PTPRD: variants seen among roughly 807,000 people sequenced by gnomAD.
PTPRD encodes the protein protein tyrosine phosphatase receptor type D.
A neutral mutation model predicts 214.5 loss-of-function variants in PTPRD; 34 were observed. That is an observed-to-expected ratio of 0.16 (90% CI 0.12 to 0.21). The LOEUF (loss-of-function observed/expected upper bound fraction) is 0.21, where lower values mean the gene tolerates loss of function less well. Ranked by LOEUF, PTPRD falls within the 10% of genes least tolerant of loss-of-function variation. PTPRD has a pLI of 1.00. For missense variants in PTPRD, 2,545 were observed against 2,398.7 expected, an observed-to-expected ratio of 1.06 and a Z score of -1.27; for synonymous variants, 1,128 against 845.7, an observed-to-expected ratio of 1.33 and a Z score of -5.79.
intron 11 of PTPRD, among the ~76,000 whole-genome samples, chr9:8,874,033 T>C (rs558320134): frequency 6.6e-6 from 1 of 152,304 alleles, no homozygotes; most frequent in African/African-American, 2.4e-5. Flanking sequence ...TCTAAAAGAT[T>C]AATACATAAC....
chr9:9,165,526 T>G (rs1321867043), intron 10 of PTPRD, among the ~76,000 whole-genome samples: 1 of 152,162 alleles, frequency 6.6e-6, no homozygotes. Context: ...AGATAGAAAC[T>G]ATATTATAGT....
chr9:10,399,651 G>T (rs932101976), intron 2 of PTPRD, among the ~76,000 whole-genome samples: 1 of 151,864 alleles, frequency 6.6e-6, no homozygotes, highest in Admixed American at 6.6e-5. Flanking sequence ...CCTATGTGGA[G>T]GCTTGTTCAG....
At chr9:9,782,927 A>G (rs2098867348) in intron 5 of PTPRD, among the ~76,000 whole-genome samples, 1 of 152,138 alleles carries the variant, frequency 6.6e-6, no homozygotes, top group South Asian at 2.1e-4. Context: ...ATGTTGACTG[A>G]CTTATTTTGT....
intron 10 of PTPRD, among the ~76,000 whole-genome samples, chr9:9,098,858 A>C (rs1029011633): frequency 6.6e-6 from 1 of 152,242 alleles, no homozygotes; most frequent in Admixed American, 6.5e-5. Context: ...AATTACATGA[A>C]CATATTCACA....
intron 5 of PTPRD, among the ~76,000 whole-genome samples, chr9:9,792,098 G>C (rs757031210): frequency 3.1e-4 from 45 of 145,974 alleles, no homozygotes; most frequent in Non-Finnish European, 3.4e-4. Flanking sequence ...TGATTTGGAG[G>C]CCAGTGAGAT....
At chr9:8,577,867 A>C (rs1010336041) in intron 14 of PTPRD, among the ~76,000 whole-genome samples, 1 of 152,174 alleles carries the variant, frequency 6.6e-6, no homozygotes, top group East Asian at 1.9e-4. Context: ...TTGTAGTTCA[A>C]CAAGCCTTTC....
intron 11 of PTPRD, among the ~76,000 whole-genome samples, chr9:8,988,464 G>A (rs1258694369): frequency 6.6e-6 from 1 of 151,958 alleles, no homozygotes; most frequent in East Asian, 1.9e-4. Context: ...TGGTATCTTT[G>A]ATTAGTGTTC....
chr9:10,110,655 T>C (rs901742536), intron 3 of PTPRD, among the ~76,000 whole-genome samples: 3 of 152,194 alleles, frequency 2.0e-5, no homozygotes, highest in African/African-American at 7.2e-5. Flanking sequence ...TTAAAGGCTA[T>C]ATCTTGCCAA....
At chr9:10,264,274 T>C (rs1366325166) in intron 3 of PTPRD, among the ~76,000 whole-genome samples, 2 of 152,088 alleles carry the variant, frequency 1.3e-5, no homozygotes, top group Non-Finnish European at 1.5e-5. Flanking sequence ...CCCAGAATTG[T>C]AGATCCATTG....
At chr9:10,268,571 T>G (rs976811600) in intron 3 of PTPRD, among the ~76,000 whole-genome samples, 2 of 152,134 alleles carry the variant, frequency 1.3e-5, no homozygotes, top group Non-Finnish European at 2.9e-5. Flanking sequence ...CTAACACAGA[T>G]AGATTGATCT....
At chr9:9,678,759 C>T (rs924682359) in intron 7 of PTPRD, among the ~76,000 whole-genome samples, 3 of 151,574 alleles carry the variant, frequency 2.0e-5, no homozygotes, top group African/African-American at 7.3e-5. Flanking sequence ...AACTTTAAGA[C>T]AACTGTATGT....
intron 11 of PTPRD, among the ~76,000 whole-genome samples, chr9:8,764,460 G>C (rs1175015406): frequency 6.6e-6 from 1 of 152,064 alleles, no homozygotes; most frequent in Non-Finnish European, 1.5e-5. Context: ...AGGGATCATG[G>C]ATCTGACACT....
At chr9:10,506,744 C>T (rs571948200) in intron 2 of PTPRD, among the ~76,000 whole-genome samples, 8 of 152,160 alleles carry the variant, frequency 5.3e-5, no homozygotes, top group African/African-American at 1.9e-4. Context: ...CTTTCATGGC[C>T]TTCACTCTGT....
chr9:10,471,028 C>T (rs921194659), intron 2 of PTPRD, among the ~76,000 whole-genome samples: 4 of 152,104 alleles, frequency 2.6e-5, no homozygotes, highest in Admixed American at 2.6e-4. Flanking sequence ...ACATCATTCT[C>T]AGCAAACTAA....
chr9:9,469,683 G>T (rs2094460138), intron 8 of PTPRD, among the ~76,000 whole-genome samples: 1 of 152,138 alleles, frequency 6.6e-6, no homozygotes, highest in South Asian at 2.1e-4. Context: ...CAAAGTTGGT[G>T]CTTTCTAACA....
At chr9:9,391,972 T>C (rs868844076) in intron 9 of PTPRD, among the ~76,000 whole-genome samples, 13 of 152,210 alleles carry the variant, frequency 8.5e-5, no homozygotes, top group Middle Eastern at 6.8e-3. Flanking sequence ...AGTCTGTAAA[T>C]GATGAGAGTA....
chr9:9,134,337 T>C (rs1221450725), intron 10 of PTPRD, among the ~76,000 whole-genome samples: 1 of 136,752 alleles, frequency 7.3e-6, no homozygotes, highest in Non-Finnish European at 1.5e-5. Context: ...CCTCCCAAAG[T>C]GCTGGGATTA....
At chr9:10,226,293 C>G (rs1371275717) in intron 3 of PTPRD, among the ~76,000 whole-genome samples, 2 of 152,040 alleles carry the variant, frequency 1.3e-5, no homozygotes, top group African/African-American at 2.4e-5. Flanking sequence ...TGCTCTGTTC[C>G]AAAACACTGT....
intron 14 of PTPRD, among the ~76,000 whole-genome samples, chr9:8,591,631 A>T (rs1329471200): frequency 2.0e-5 from 3 of 152,216 alleles, no homozygotes; most frequent in African/African-American, 7.2e-5. Flanking sequence ...TATCTTAAGA[A>T]TTTCTGAAGC....
Sources: allele counts gnomAD v4.1 joint callset (sites outside exome capture counted in the v4.1 genomes callset), GRCh38; gene constraint gnomAD v4.1.1; transcripts MANE v1.5; gene names NCBI Gene and HGNC (gene_info 2026-07-23, HGNC 2026-07-21).